The following RIMBP2 variants were observed in gnomAD, a reference collection of about 807,000 sequenced individuals.
RIMBP2 encodes RIMS binding protein 2, also known as RIMS-binding protein 2.
Under a neutral mutation model 118.6 loss-of-function variants are expected in RIMBP2, and 48 were observed. The observed-to-expected ratio is 0.40, with a 90% CI of 0.32 to 0.51. The LOEUF is 0.51. Among genes scored for constraint, RIMBP2 ranks in the 20% least tolerant of loss-of-function variants. RIMBP2 has a pLI of 0.41. For missense variants in RIMBP2, 1,551 were observed against 1,768.3 expected, an observed-to-expected ratio of 0.88 and a Z score of 2.20; for synonymous variants, 762 against 742.9, an observed-to-expected ratio of 1.03 and a Z score of -0.42.
At chr12:130,625,096 C>A (rs943237134) in intron 2 of RIMBP2, among the ~76,000 whole-genome samples, 14 of 152,130 alleles carry the variant, frequency 9.2e-5, no homozygotes, top group African/African-American at 3.4e-4. Context: ...TTTTGATACA[C>A]CCATATAACG....
In RIMBP2 at chr12:130,578,833, A is replaced by G. The variant is rs920832254; in HGVS notation, c.-217+49489T>C. On this transcript the variant is annotated intron_variant, in intron 2 of 22. Coordinates refer to ENST00000690449, the MANE Select transcript of RIMBP2 (RefSeq NM_001393629.1). This position sits in a 1 kb window ranked among gnomAD's most constrained non-coding sequence, Gnocchi z 4.1. ...TGTGCAGAGATTCAGAAAGGCTTGG[A>G]TTTATAAGATGTGCACCAAACATAA... Among the ~76,000 whole-genome samples the G allele has an allele frequency of 5.9e-5, 9 of 152,198 alleles. No individual in the cohort carries two copies. Among genetic ancestry groups the G allele is most frequent in the Admixed American group, 2.6e-4 (4 of 15,286 alleles).
At chr12:130,417,788 G>A (rs185264931) in intron 17 of RIMBP2, among the ~76,000 whole-genome samples, 39 of 152,306 alleles carry the variant, frequency 2.6e-4, no homozygotes, top group African/African-American at 7.5e-4. Flanking sequence ...TAATACATAT[G>A]CATATATATA....
At chr12:130,667,085 AGGGAGGGAGGATGGGAGAAAAAAAGGAAT>A (rs2063970161) in intron 1 of RIMBP2, among the ~76,000 whole-genome samples, 1 of 54,604 alleles carries the variant, frequency 1.8e-5, no homozygotes, top group African/African-American at 7.4e-5. Flanking sequence ...GGAAAAAATG[AGGGAGGGAGGATGGGAGAAAAAAAGGAAT>A]GAGGGAGGGA....
chr12:130,653,929 T>C (rs2063327502), intron 1 of RIMBP2, among the ~76,000 whole-genome samples: 1 of 152,214 alleles, frequency 6.6e-6, no homozygotes, highest in African/African-American at 2.4e-5. Flanking sequence ...AGCGGGGCCC[T>C]GGACCTGGCC....
rs142469393 is a variant in RIMBP2, at chr12:130,505,878, C to T, written c.-4+770G>A. Among the ~76,000 whole-genome samples, 311 of 85,816 alleles carry T rather than the reference C, an allele frequency of 3.6e-3. 3 individuals carry two copies. Among genetic ancestry groups the T allele is most frequent in the African/African-American group, 0.016 (300 of 18,220 alleles). 56.3% of individuals were successfully genotyped at this position (85,816 alleles called of 152,430 possible). A position where few individuals can be genotyped will look rare whatever the true frequency, so the allele number is the denominator to read the frequency against. On this transcript the variant is annotated intron_variant, in intron 4 of 22. Transcript: ENST00000690449. ...CTGGCAACTATCCAGAGGCTCCCCT[C>T]AGAGCTCCAAACGCTTCCCCAAAGA...
intron 2 of RIMBP2, among the ~76,000 whole-genome samples, chr12:130,572,198 G>A (rs1025318326): frequency 1.3e-4 from 11 of 83,742 alleles, no homozygotes; most frequent in Non-Finnish European, 2.7e-4. Context: ...GGGACAAAGC[G>A]GCCGGAAAAC....
At chr12:130,567,541 G>A (rs912422722) in intron 2 of RIMBP2, among the ~76,000 whole-genome samples, 1 of 152,200 alleles carries the variant, frequency 6.6e-6, no homozygotes, top group Non-Finnish European at 1.5e-5. Flanking sequence ...ACGGGGGAGA[G>A]GGAGGAGGGA....
rs938162002 is a variant in RIMBP2, at chr12:130,588,914, A to T, written c.-217+39408T>A. 1.1e-4 allele frequency among the ~76,000 whole-genome samples: 17 copies of T among 152,356 alleles called. No individual in the cohort carries two copies. In the East Asian group the frequency reaches 2.3e-3, roughly 21 times the overall value. On this transcript the variant is annotated intron_variant, in intron 2 of 22. Transcript: ENST00000690449. ...AACATGATTCAAATTCTTCTTTGGT[A>T]GCTGCAAGCCCCACGGGGGATTTGC... is the stretch of plus-strand genomic sequence containing the variant.
chr12:130,476,760 C>A (rs916562417), intron 5 of RIMBP2, among the ~76,000 whole-genome samples: 1 of 152,234 alleles, frequency 6.6e-6, no homozygotes, highest in East Asian at 1.9e-4. Context: ...TGGGCTTACT[C>A]GCTTTTTCAC....
At chr12:130,580,926 G>GGTGTGTGT (rs34292565) in intron 2 of RIMBP2, among the ~76,000 whole-genome samples, 11,571 of 149,362 alleles carry the variant, frequency 0.077, 438 homozygotes, top group African/African-American at 0.09. Context: ...ACCCAGCAAT[G>GGTGTGTGT]GTGTGTGTGT....
intron 11 of RIMBP2, among the ~76,000 whole-genome samples, chr12:130,439,598 G>T: frequency 2.2e-5 from 2 of 89,174 alleles, no homozygotes; most frequent in African/African-American, 4.6e-5. Flanking sequence ...TGTGTGTGGG[G>T]GTGTGTTTTT....
chr12:130,404,883 A>G (rs192920992), intron 21 of RIMBP2, among the ~76,000 whole-genome samples: 188 of 152,168 alleles, frequency 1.2e-3, no homozygotes, highest in African/African-American at 4.3e-3. Flanking sequence ...GTCCATAAAT[A>G]CTCTAAGTAT....
chr12:130,569,138 C>T (rs985757199), intron 2 of RIMBP2, among the ~76,000 whole-genome samples: 2 of 152,162 alleles, frequency 1.3e-5, no homozygotes, highest in African/African-American at 4.8e-5. Flanking sequence ...ACTAGACAGT[C>T]CACACACTGC....
In RIMBP2 at chr12:130,683,660, TC is replaced by T. The variant is rs1210932596; in HGVS notation, c.-352+32561del. 2.5e-4 allele frequency among the ~76,000 whole-genome samples: 38 copies of T among 151,932 alleles called. No homozygotes were observed. Among genetic ancestry groups the T allele is most frequent in the Admixed American group, 2.3e-3 (35 of 15,246 alleles). On this transcript the variant is annotated intron_variant, in intron 1 of 22. Transcript: ENST00000690449. This position sits in a 1 kb window ranked among gnomAD's most constrained non-coding sequence, Gnocchi z 4.4. ...AGTTGCAGTAAACAAGCCGGCCAAA[TC>T]CCACCAAAACCAAGATGACCACAAG...
chr12:130,456,057 G>C (rs758521958), intron 7 of RIMBP2, among the ~76,000 whole-genome samples: 2 of 152,216 alleles, frequency 1.3e-5, no homozygotes, highest in Non-Finnish European at 1.5e-5. Flanking sequence ...AAGTTACTGA[G>C]ATGAGAAGGA....
rs555611750 is a variant in RIMBP2, at chr12:130,568,482, G to A, written c.-216-50565C>T. Among the ~76,000 whole-genome samples the A allele has an allele frequency of 5.3e-4, 80 of 152,342 alleles. 1 individual carries two copies. The highest frequency in any genetic ancestry group is 1.8e-3 in the African/African-American group (73 of 41,578). On this transcript the variant is annotated intron_variant, in intron 2 of 22. Transcript: ENST00000690449. ...GCCCTGGGGCCAGTCCCAGAGAGCC[G>A]TGAGCAGACATTCAGCCTTTTGATC...
Position 130,670,666 on chromosome 12 carries a change from G to A in RIMBP2, c.-351-42210C>T, listed in dbSNP as rs1443388839. Among the ~76,000 whole-genome samples, 1 of 152,152 alleles carries A rather than the reference G, an allele frequency of 6.6e-6. No homozygotes were observed. The highest frequency in any genetic ancestry group is 1.9e-4 in the East Asian group (1 of 5,184). On this transcript the variant is annotated intron_variant, in intron 1 of 22. Transcript: ENST00000690449. This position sits in a 1 kb window ranked among gnomAD's most constrained non-coding sequence, Gnocchi z 4.9. The stretch of plus-strand genomic sequence containing the variant: ...ACTAGAGAGGCTGGAAAGGAGAAAC[G>A]CTCACTGTCCCACCCTCCCTTGCAG...
chr12:130,682,784 T>G (rs545858319), intron 1 of RIMBP2, among the ~76,000 whole-genome samples: 14 of 152,314 alleles, frequency 9.2e-5, no homozygotes, highest in Non-Finnish European at 2.1e-4. Context: ...CTGGTGATAA[T>G]TGATGAAGAC....
intron 10 of RIMBP2, among the ~76,000 whole-genome samples, chr12:130,443,679 G>A (rs1301893089): frequency 6.6e-6 from 1 of 152,198 alleles, no homozygotes; most frequent in Admixed American, 6.5e-5. Context: ...TAGGGTGTGG[G>A]TCTGCAGGAG....
Sources: gnomAD v4.1 joint callset for allele counts (sites outside exome capture counted in the v4.1 genomes callset) on GRCh38, gnomAD v4.1.1 for gene constraint, Gnocchi (gnomAD v3.1) non-coding constraint, MANE v1.5 for transcripts, NCBI Gene and HGNC (gene_info 2026-07-23, HGNC 2026-07-21) for gene names.